The following FKBP5 variants were observed in gnomAD, a reference collection of about 807,000 sequenced individuals.
The protein encoded by FKBP5 is peptidyl-prolyl cis-trans isomerase FKBP5.
Under a neutral mutation model 50.5 loss-of-function variants are expected in FKBP5, and 23 were observed. The observed-to-expected ratio is 0.46, with a 90% CI of 0.33 to 0.65. FKBP5 has a LOEUF of 0.65. FKBP5 is among the 30% of genes least tolerant of loss of function. The pLI is 0.02. For missense variants in FKBP5, 411 were observed against 553.1 expected (o/e 0.74, Z 2.58); for synonymous variants, 176 against 190.6 (o/e 0.92, Z 0.63).
intron 1 of FKBP5, among the ~76,000 whole-genome samples, chr6:35,665,292 TC>T (rs1765183589): frequency 1.4e-5 from 2 of 139,980 alleles, no homozygotes; most frequent in Non-Finnish European, 3.2e-5. Context: ...TAAATGCTCC[TC>T]TTTTTTTTTT....
intron 2 of FKBP5, among the ~76,000 whole-genome samples, chr6:35,695,316 AC>A (rs2151017099): frequency 6.6e-6 from 1 of 152,302 alleles, no homozygotes; most frequent in Non-Finnish European, 1.5e-5. Context: ...GGTGCACGCC[AC>A]AACGCCTGAC....
intron 1 of FKBP5, among the ~76,000 whole-genome samples, chr6:35,677,267 G>T (rs570228470): frequency 6.6e-6 from 1 of 152,088 alleles, no homozygotes; most frequent in Non-Finnish European, 1.5e-5. Context: ...TAGAGACGGG[G>T]TTTCACTGTG....
At chr6:35,695,487 T>G (rs1283478621) in intron 2 of FKBP5, among the ~76,000 whole-genome samples, 2 of 152,170 alleles carry the variant, frequency 1.3e-5, no homozygotes, top group African/African-American at 4.8e-5. Context: ...TTCTATTTAA[T>G]GTTATACTGG....
chr6:35,610,972 T>C (rs1329266740), intron 5 of FKBP5, among the ~76,000 whole-genome samples: 1 of 152,218 alleles, frequency 6.6e-6, no homozygotes, highest in East Asian at 1.9e-4. Context: ...CGCTGTTCCA[T>C]CTTGTTTTAT....
chr6:35,710,051 C>G (rs909788848), intron 2 of FKBP5, among the ~76,000 whole-genome samples: 4 of 152,096 alleles, frequency 2.6e-5, no homozygotes, highest in Non-Finnish European at 5.9e-5. Flanking sequence ...AGGAAATGAT[C>G]CTAGCACATG....
At position 35,714,747 on chromosome 6, in the gene FKBP5, A is replaced by G. The variant is rs543174800; in HGVS notation, c.-20+5581T>C. Among the ~76,000 whole-genome samples, 155 of 147,510 alleles carry G rather than the reference A, an allele frequency of 1.1e-3. No individual in the cohort carries two copies. In the South Asian group the frequency reaches 0.014, roughly 13 times the overall value. ...CATGAGAATCGCTTGAACCTGGGAGATGGAGGTTGCAGTGAGCTATCGTGC... is the reference window on the plus strand; with the variant it reads ...CATGAGAATCGCTTGAACCTGGGAGGTGGAGGTTGCAGTGAGCTATCGTGC... On this transcript the variant is annotated intron_variant, in intron 2 of 11. Coordinates refer to the FKBP5 transcript ENST00000536438.
intron 8 of FKBP5, chr6:35,583,123 C>T (rs891848360): frequency 2.0e-6 from 2 of 985,250 alleles, no homozygotes; most frequent in African/African-American, 1.7e-5. Flanking sequence ...CTTTTGCTAT[C>T]ATTGGGAGCA....
At position 35,575,523 on chromosome 6, in the gene FKBP5, A is replaced by G; in HGVS notation, c.*312T>C. The G allele has an allele frequency of 3.4e-6, 1 of 291,854 alleles. No individual in the cohort carries two copies. Among genetic ancestry groups the G allele is most frequent in the East Asian group, 6.2e-5 (1 of 16,092 alleles). 18.1% of individuals were successfully genotyped at this position (291,854 alleles called of 1,614,324 possible). On this transcript the variant is annotated 3_prime_UTR_variant, in exon 11 of 11. Coordinates refer to ENST00000357266, the MANE Select transcript of FKBP5 (RefSeq NM_004117.4). ...GCCCCACATTGTTAGGATGATCTCC[A>G]GGGACCCTGAATTGGATACTTGAAG... is the stretch of plus-strand genomic sequence containing the variant.
Position 35,581,877 on chromosome 6 carries a change from C to T in FKBP5, c.841-1656G>A, listed in dbSNP as rs77078847. ...CTAGGATTTACCACAGCCCAAGCAG[C>T]GCGTACATCTCACTGCCGAGTTGTC... On this transcript the variant is annotated intron_variant, in intron 8 of 10. Transcript: ENST00000357266. 2.1e-3 allele frequency: 2,047 copies of T among 985,482 alleles called. 13 individuals are homozygous for T. In the African/African-American group the frequency reaches 0.023, roughly 11 times the overall value. 61.0% of individuals were successfully genotyped at this position (985,482 alleles called of 1,614,324 possible). A position where few individuals can be genotyped will look rare whatever the true frequency, so the allele number is the denominator to read the frequency against.
chr6:35,582,043 C>T, intron 8 of FKBP5: 1 of 985,538 alleles, frequency 1.0e-6, no homozygotes, highest in Non-Finnish European at 1.2e-6. Flanking sequence ...GAAAGGAAGC[C>T]CTGGTGTGGA....
At chr6:35,583,281 T>G in intron 8 of FKBP5, 1 of 985,356 alleles carries the variant, frequency 1.0e-6, no homozygotes. Context: ...GATTATCTCC[T>G]AATATATTGT....
At chr6:35,694,193 C>T (rs753685797) in intron 2 of FKBP5, among the ~76,000 whole-genome samples, 18 of 152,040 alleles carry the variant, frequency 1.2e-4, no homozygotes, top group East Asian at 3.9e-4. Flanking sequence ...TCACCTAGGC[C>T]GGAGTGCGGT....
intron 1 of FKBP5, among the ~76,000 whole-genome samples, chr6:35,650,299 C>CAA (rs34190034): frequency 9.0e-5 from 9 of 99,900 alleles, no homozygotes; most frequent in African/African-American, 3.1e-4. Context: ...AGATATTGTC[C>CAA]AAAAAAAAAA....
chr6:35,662,541 C>T (rs1765101349), intron 1 of FKBP5, among the ~76,000 whole-genome samples: 1 of 151,908 alleles, frequency 6.6e-6, no homozygotes, highest in Admixed American at 6.6e-5. Context: ...ACCTCAGCCT[C>T]CCAAAGTGCT....
intron 1 of FKBP5, among the ~76,000 whole-genome samples, chr6:35,676,289 C>T (rs1201665458): frequency 1.3e-5 from 2 of 152,186 alleles, no homozygotes; most frequent in African/African-American, 4.8e-5. Flanking sequence ...TAACCGCTAT[C>T]GGAAACAGAA....
intron 3 of FKBP5, among the ~76,000 whole-genome samples, chr6:35,626,242 A>G (rs1374778536): frequency 6.6e-6 from 1 of 152,204 alleles, no homozygotes; most frequent in African/African-American, 2.4e-5. Context: ...TGCTTTTTAT[A>G]CGTATGTAAC....
At chr6:35,618,947 C>T (rs565839454) in intron 5 of FKBP5, 149 bp downstream of exon 5, 3 of 587,904 alleles carry the variant, frequency 5.1e-6, no homozygotes, top group Non-Finnish European at 9.1e-6. Context: ...CCACCCGCCT[C>T]GACCTCCCAA....
intron 1 of FKBP5, among the ~76,000 whole-genome samples, chr6:35,680,207 G>C (rs1765629998): frequency 6.6e-6 from 1 of 152,086 alleles, no homozygotes; most frequent in African/African-American, 2.4e-5. Context: ...AAGGTGGGAG[G>C]ATCACTTGAG....
At chr6:35,673,967 G>C (rs1027859501) in intron 1 of FKBP5, among the ~76,000 whole-genome samples, 4 of 152,146 alleles carry the variant, frequency 2.6e-5, no homozygotes, top group African/African-American at 9.7e-5. Context: ...TACTTCCTCT[G>C]AACCTCAATT....
Sources: allele counts gnomAD v4.1 joint callset (sites outside exome capture counted in the v4.1 genomes callset), GRCh38; gene constraint gnomAD v4.1.1; transcripts MANE v1.5; gene names NCBI Gene and HGNC (gene_info 2026-07-23, HGNC 2026-07-21).